The following ANKRD26 variants were observed in gnomAD, a reference collection of about 807,000 sequenced individuals.
ANKRD26 encodes the protein ankyrin repeat domain-containing protein 26.
In ANKRD26, 141 loss-of-function variants were observed where a neutral mutation model predicts 208.7. The ratio of observed to expected loss-of-function variants is 0.68; its 90% CI spans 0.59 to 0.78. The LOEUF (loss-of-function observed/expected upper bound fraction) is 0.78, where lower values mean the gene tolerates loss of function less well. Among genes scored for constraint, ANKRD26 ranks in the 30% least tolerant of loss-of-function variants. The pLI is 0.00. For missense variants in ANKRD26, 1,889 were observed against 1,938.7 expected, an observed-to-expected ratio of 0.97 and a Z score of 0.48; for synonymous variants, 636 against 660.4, an observed-to-expected ratio of 0.96 and a Z score of 0.57.
chr10:27,100,402 AG>A lies in ANKRD26; in HGVS notation c.-77del. 2 of 1,581,552 alleles carry A rather than the reference AG, an allele frequency of 1.3e-6. No individual in the cohort carries two copies. The highest frequency in any genetic ancestry group is 1.7e-6 in the Non-Finnish European group (2 of 1,172,600). On this transcript the variant is annotated 5_prime_UTR_variant, in exon 1 of 34. Transcript: ENST00000376087. ...ACGGCCTCCGGAGCCCAACATAACA[AG>A]TCAGCCCCGGCTGGCCGCAGCCTCC...
At chr10:27,067,085 G>C in intron 10 of ANKRD26, 72 bp downstream of exon 10, 5 of 1,537,880 alleles carry the variant, frequency 3.3e-6, no homozygotes, top group Non-Finnish European at 4.5e-6. Flanking sequence ...GGGATCACAG[G>C]TGTGAGCCAC....
intron 27 of ANKRD26, among the ~76,000 whole-genome samples, 192 bp from the exon 28 acceptor site, chr10:27,024,751 T>G (rs886295416): frequency 6.6e-6 from 1 of 152,188 alleles, no homozygotes; most frequent in Non-Finnish European, 1.5e-5. Context: ...TTTTCTGGAA[T>G]TTAAATTACC....
chr10:26,973,696 T>C (rs2134595844), downstream of ANKRD26, among the ~76,000 whole-genome samples: 1 of 116,642 alleles, frequency 8.6e-6, no homozygotes, highest in East Asian at 3.0e-4. Context: ...TTCTGTCAAC[T>C]AGGCTGGAGT....
chr10:27,044,244 A>G, intron 18 of ANKRD26, 54 bp from the exon 19 acceptor site: 2 of 1,358,640 alleles, frequency 1.5e-6, no homozygotes, highest in Non-Finnish European at 2.0e-6. Flanking sequence ...AATGCAAGGA[A>G]TATCTAAAAC....
intron 4 of ANKRD26, among the ~76,000 whole-genome samples, chr10:27,087,794 T>C (rs2056170815): frequency 6.6e-6 from 1 of 152,116 alleles, no homozygotes; most frequent in African/African-American, 2.4e-5. Context: ...AAACTCTACT[T>C]TTATTTAGAG....
At chr10:26,963,229 T>C in the ANKRD26 span, among the ~76,000 whole-genome samples, 38 of 152,342 alleles carry the variant, frequency 2.5e-4, no homozygotes, top group Non-Finnish European at 3.8e-4. Context: ...CATTTCCTAA[T>C]AAGCCTTTAT....
At position 27,022,359 on chromosome 10, in the gene ANKRD26, C is replaced by T. The variant is rs563705920; in HGVS notation, c.4215+199G>A. ...GTGACAAAATAATCTGTTTAACAAA[C>T]ACCCGTGACACAAGTTTAACTACAT... On this transcript the variant is annotated intron_variant, in intron 29 of 33. Coordinates refer to ENST00000376087, the MANE Select transcript of ANKRD26 (RefSeq NM_014915.3). Among the ~76,000 whole-genome samples, 3 of 152,216 alleles carry T rather than the reference C, an allele frequency of 2.0e-5. No homozygotes were observed. In the South Asian group the frequency reaches 6.2e-4, roughly 32 times the overall value.
the ANKRD26 span, among the ~76,000 whole-genome samples, chr10:26,958,229 C>G: frequency 1.6e-4 from 25 of 152,092 alleles, no homozygotes; most frequent in East Asian, 4.3e-3. Flanking sequence ...ATTATAGGTG[C>G]GTGCCAGCAT....
intron 4 of ANKRD26, 90 bp downstream of exon 4, chr10:27,092,312 CAGGT>C: frequency 2.3e-6 from 2 of 858,802 alleles, no homozygotes; most frequent in Non-Finnish European, 3.8e-6. Flanking sequence ...CAAGAACAAG[CAGGT>C]TTAAAAAACC....
downstream of ANKRD26, among the ~76,000 whole-genome samples, chr10:26,990,591 AG>A (rs1202945929): frequency 6.6e-6 from 1 of 152,106 alleles, no homozygotes; most frequent in Non-Finnish European, 1.5e-5. Context: ...TGTTCTTATA[AG>A]GGGGAAACCT....
the ANKRD26 span, among the ~76,000 whole-genome samples, chr10:26,966,740 T>C: frequency 6.6e-6 from 1 of 152,206 alleles, no homozygotes; most frequent in Non-Finnish European, 1.5e-5. Context: ...ATGCAGAATC[T>C]ATAGCAAAAG....
At chr10:26,984,053 G>A (rs2134633710) in intron 3 of ANKRD26, among the ~76,000 whole-genome samples, 1 of 151,850 alleles carries the variant, frequency 6.6e-6, no homozygotes, top group South Asian at 2.1e-4. Context: ...GCAGACGGCA[G>A]TGGCAAGAAG....
At chr10:26,997,411 G>A (rs1177525675) in intron 4 of ANKRD26, among the ~76,000 whole-genome samples, 1 of 152,166 alleles carries the variant, frequency 6.6e-6, no homozygotes, top group African/African-American at 2.4e-5. Flanking sequence ...TACTAGGAGA[G>A]GTGAAACACT....
At chr10:26,998,752 T>A (rs1161216059) in intron 4 of ANKRD26, among the ~76,000 whole-genome samples, 1 of 152,188 alleles carries the variant, frequency 6.6e-6, no homozygotes, top group East Asian at 1.9e-4. Context: ...CCTTTTCCCA[T>A]CTTCCAGATG....
intron 5 of ANKRD26, among the ~76,000 whole-genome samples, chr10:26,993,523 T>C (rs535826932): frequency 1.3e-5 from 2 of 152,276 alleles, no homozygotes; most frequent in South Asian, 4.1e-4. Flanking sequence ...TTTTGCAGTA[T>C]CTCATCTTGA....
chr10:27,020,293 C>G (rs1339188503), intron 29 of ANKRD26, among the ~76,000 whole-genome samples: 2 of 152,190 alleles, frequency 1.3e-5, no homozygotes, highest in African/African-American at 4.8e-5. Context: ...GTCTTGTGAA[C>G]ATTCAAAATC....
intron 3 of ANKRD26, among the ~76,000 whole-genome samples, chr10:26,986,533 G>T (rs1197652714): frequency 6.6e-6 from 1 of 152,146 alleles, no homozygotes; most frequent in Non-Finnish European, 1.5e-5. Flanking sequence ...CTACCCATCT[G>T]ACAAAGGGCT....
intron 15 of ANKRD26, among the ~76,000 whole-genome samples, chr10:27,058,858 G>C (rs2054936964): frequency 6.6e-6 from 1 of 151,930 alleles, no homozygotes; most frequent in South Asian, 2.1e-4. Context: ...TTATAGGCGT[G>C]AGGCACCGCG....
exon 6 of ANKRD26, among the ~76,000 whole-genome samples, chr10:26,974,749 A>T (rs1234761081): frequency 6.6e-6 from 1 of 152,180 alleles, no homozygotes; most frequent in Non-Finnish European, 1.5e-5. Context: ...TCTTTATTTT[A>T]TCTGCATTCA....
Sources: allele counts gnomAD v4.1 joint callset (sites outside exome capture counted in the v4.1 genomes callset), GRCh38; gene constraint gnomAD v4.1.1; transcripts MANE v1.5; gene names NCBI Gene and HGNC (gene_info 2026-07-23, HGNC 2026-07-21).